The following EPDR1 variants were observed in gnomAD, a reference collection of about 807,000 sequenced individuals.
The protein encoded by EPDR1 is mammalian ependymin-related protein 1.
Under a neutral mutation model 23.7 loss-of-function variants are expected in EPDR1, and 27 were observed. The ratio of observed to expected loss-of-function variants is 1.14; its 90% CI spans 0.84 to 1.57. The LOEUF is 1.57. EPDR1 is among the 40% of genes most tolerant of loss of function. The pLI, the probability that EPDR1 is intolerant of heterozygous loss-of-function variation, is 0.00. For synonymous variants in EPDR1, 137 were observed against 118.2 expected (o/e 1.16, Z -1.03); for missense variants, 349 against 290.4 (o/e 1.20, Z -1.47).
chr7:37,944,761 A>T (rs537451613), intron 1 of EPDR1, among the ~76,000 whole-genome samples: 2 of 152,292 alleles, frequency 1.3e-5, no homozygotes, highest in Admixed American at 1.3e-4. Flanking sequence ...ACAATTCAAG[A>T]TGAGATTTAG....
At chr7:37,944,919 C>G (rs1786242622) in intron 1 of EPDR1, among the ~76,000 whole-genome samples, 1 of 152,210 alleles carries the variant, frequency 6.6e-6, no homozygotes, top group Non-Finnish European at 1.5e-5. Flanking sequence ...GAGAAGCACA[C>G]AACAGGGATA....
At chr7:37,945,641 T>G (rs1476974350) in intron 1 of EPDR1, among the ~76,000 whole-genome samples, 2 of 152,154 alleles carry the variant, frequency 1.3e-5, no homozygotes, top group East Asian at 1.9e-4. Flanking sequence ...TCTGGGGTGG[T>G]GGTGGTGTAA....
chr7:37,946,906 A>ATC (rs1786288141), intron 1 of EPDR1, among the ~76,000 whole-genome samples: 2 of 152,220 alleles, frequency 1.3e-5, no homozygotes, highest in Admixed American at 1.3e-4. Context: ...GTCTTACTAC[A>ATC]AAAGAGTCAA....
intron 1 of EPDR1, among the ~76,000 whole-genome samples, chr7:37,943,151 A>G (rs994165480): frequency 1.3e-5 from 2 of 152,204 alleles, no homozygotes; most frequent in African/African-American, 4.8e-5. Flanking sequence ...GCCAGCAAGG[A>G]GGCGAAGTTT....
intron 1 of EPDR1, among the ~76,000 whole-genome samples, chr7:37,922,820 T>A (rs1002542384): frequency 9.2e-5 from 14 of 152,198 alleles, no homozygotes; most frequent in African/African-American, 1.9e-4. Flanking sequence ...ATAAAAAAAA[T>A]TTCCATACAG....
intron 1 of EPDR1, among the ~76,000 whole-genome samples, chr7:37,931,864 A>AATTT (rs1031714964): frequency 5.3e-5 from 8 of 151,754 alleles, no homozygotes; most frequent in African/African-American, 9.7e-5. Context: ...GCACCCGCCT[A>AATTT]ATTTATTTAT....
chr7:37,943,826 T>C (rs1025653737), intron 1 of EPDR1, among the ~76,000 whole-genome samples: 1 of 152,224 alleles, frequency 6.6e-6, no homozygotes, highest in Non-Finnish European at 1.5e-5. Context: ...AAAATTCTCA[T>C]TTTAAAATTA....
In EPDR1 at chr7:37,950,999, G is replaced by A. The variant is rs1268475962; in HGVS notation, c.*603G>A. On this transcript the variant is annotated 3_prime_UTR_variant, in exon 3 of 3. Coordinates refer to ENST00000199448, the MANE Select transcript of EPDR1 (RefSeq NM_017549.5). ...ATGGCCCAATTGATATAAACATTTA[G>A]AAGGAAATGAAAAGCTAAAATAGGA... The A allele has an allele frequency of 1.3e-5, 2 of 152,168 alleles. No individual in the cohort carries two copies. Among genetic ancestry groups the A allele is most frequent in the Non-Finnish European group, 2.9e-5 (2 of 68,036 alleles). 9.4% of individuals were successfully genotyped at this position (152,168 alleles called of 1,614,324 possible). A position where few individuals can be genotyped will look rare whatever the true frequency, so the allele number is the denominator to read the frequency against.
intron 1 of EPDR1, among the ~76,000 whole-genome samples, chr7:37,939,513 A>G (rs1786127866): frequency 6.6e-6 from 1 of 152,182 alleles, no homozygotes; most frequent in South Asian, 2.1e-4. Flanking sequence ...ATTTTAGCAG[A>G]ATGCATGTTG....
chr7:37,942,514 C>T (rs1786188179), intron 1 of EPDR1, among the ~76,000 whole-genome samples: 1 of 152,006 alleles, frequency 6.6e-6, no homozygotes, highest in Non-Finnish European at 1.5e-5. Flanking sequence ...TGATGTACCA[C>T]AATGTGAATA....
Position 37,920,937 on chromosome 7 carries a change from G to T in EPDR1, c.-3G>T. The T allele has an allele frequency of 1.2e-6, 2 of 1,607,772 alleles. No individual in the cohort carries two copies. The highest frequency in any genetic ancestry group is 1.3e-5 in the African/African-American group (1 of 74,996). On this transcript the variant is annotated 5_prime_UTR_variant, in exon 1 of 3. Transcript: ENST00000199448. Reference sequence around the variant, plus strand: ...GCCCTCGGGCCGGGGAAGGCTGACCGCGATGCCAGGACGCGCTCCCCTCCG... The same window carrying T: ...GCCCTCGGGCCGGGGAAGGCTGACCTCGATGCCAGGACGCGCTCCCCTCCG...
chr7:37,943,632 T>C (rs1334731945), intron 1 of EPDR1, among the ~76,000 whole-genome samples: 2 of 152,264 alleles, frequency 1.3e-5, no homozygotes, highest in African/African-American at 4.8e-5. Flanking sequence ...TTTCCATTAA[T>C]TTATTATTTT....
intron 2 of EPDR1, 142 bp from the exon 3 acceptor site, chr7:37,950,058 T>C: frequency 3.5e-6 from 2 of 573,750 alleles, no homozygotes; most frequent in Non-Finnish European, 3.0e-6. Flanking sequence ...GGTCAACAAA[T>C]GTGAATGTAC....
chr7:37,922,801 G>C (rs1785736212), intron 1 of EPDR1, among the ~76,000 whole-genome samples: 1 of 152,182 alleles, frequency 6.6e-6, no homozygotes, highest in Non-Finnish European at 1.5e-5. Flanking sequence ...TGGAGGTGAA[G>C]TCACATAAAT....
chr7:37,935,625 CT>C (rs891019524), intron 1 of EPDR1, among the ~76,000 whole-genome samples: 2 of 152,040 alleles, frequency 1.3e-5, no homozygotes, highest in African/African-American at 4.8e-5. Context: ...GCTTTTTAAC[CT>C]TTTACGTTGT....
intron 1 of EPDR1, among the ~76,000 whole-genome samples, chr7:37,939,539 T>C (rs10235774): frequency 0.15 from 22,230 of 152,180 alleles, 1,768 homozygotes; most frequent in Middle Eastern, 0.21. Flanking sequence ...ATAGGAGCTC[T>C]ACCCAAACTG....
intron 1 of EPDR1, among the ~76,000 whole-genome samples, chr7:37,946,346 C>G (rs534449598): frequency 3.9e-5 from 6 of 152,318 alleles, no homozygotes; most frequent in African/African-American, 1.4e-4. Flanking sequence ...ATACTCCCAT[C>G]AACAGTGTAA....
chr7:37,931,803 A>G (rs1785946370), intron 1 of EPDR1, among the ~76,000 whole-genome samples: 1 of 152,064 alleles, frequency 6.6e-6, no homozygotes, highest in African/African-American at 2.4e-5. Context: ...GGTTCAAGTG[A>G]TTCTCCTGCC....
intron 1 of EPDR1, among the ~76,000 whole-genome samples, chr7:37,941,842 G>A (rs916354335): frequency 6.6e-6 from 1 of 152,148 alleles, no homozygotes; most frequent in Non-Finnish European, 1.5e-5. Flanking sequence ...CTAAGATACA[G>A]TCCTATTGTG....
Sources: gnomAD v4.1 joint callset for allele counts (sites outside exome capture counted in the v4.1 genomes callset) on GRCh38, gnomAD v4.1.1 for gene constraint, MANE v1.5 for transcripts, NCBI Gene and HGNC (gene_info 2026-07-23, HGNC 2026-07-21) for gene names.